Variants in C3 observed in about 807,000 individuals in gnomAD.
The protein encoded by C3 is complement C3.
C3 carries 97 observed loss-of-function variants against 207.9 expected under a neutral mutation model. The ratio of observed to expected loss-of-function variants is 0.47; its 90% CI spans 0.40 to 0.55. The LOEUF is 0.55. Among genes scored for constraint, C3 ranks in the 20% least tolerant of loss-of-function variants. C3 has a pLI of 0.00. For missense variants in C3, 1,684 were observed against 2,171.7 expected (o/e 0.78, Z 4.46); for synonymous variants, 848 against 857.6 (o/e 0.99, Z 0.20).
chr19:6,690,755 G>A, intron 26 of C3, 28 bp from the exon 27 acceptor site: 1 of 1,565,886 alleles, frequency 6.4e-7, no homozygotes, highest in Non-Finnish European at 8.8e-7. Flanking sequence ...AAGCAAGGAT[G>A]GGGTCACCGG....
At position 6,679,228 on chromosome 19, in the gene C3, C is replaced by A; in HGVS notation, c.4547-20G>T. 1 of 1,607,984 alleles carries A rather than the reference C, an allele frequency of 6.2e-7. No homozygotes were observed. Among genetic ancestry groups the A allele is most frequent in the Non-Finnish European group, 8.5e-7 (1 of 1,174,396 alleles). ...AATTCTCTGCAGGGTGGGGTGGAGA[C>A]AGGGTCTAAGTCCCACTCCTTATCT... On this transcript the variant is annotated intron_variant, in intron 37 of 40. Coordinates refer to ENST00000245907, the MANE Select transcript of C3 (RefSeq NM_000064.4).
At chr19:6,712,211 T>C in intron 11 of C3, 46 bp downstream of exon 11, 1 of 1,610,422 alleles carries the variant, frequency 6.2e-7, no homozygotes, top group Non-Finnish European at 8.5e-7. Flanking sequence ...AGAACCCCTG[T>C]ACCGTCTTCC....
At chr19:6,707,024 T>A in intron 17 of C3, 52 bp downstream of exon 17, 1 of 865,412 alleles carries the variant, frequency 1.2e-6, no homozygotes, top group Non-Finnish European at 1.6e-6. Flanking sequence ...GACAGGAGTC[T>A]CCTCCCCCAT....
At chr19:6,708,559 C>A (rs1967835569) in intron 14 of C3, among the ~76,000 whole-genome samples, 1 of 148,674 alleles carries the variant, frequency 6.7e-6, no homozygotes, top group South Asian at 2.2e-4. Flanking sequence ...TTCCCTCCTT[C>A]CCTCCTTCCT....
chr19:6,697,528 G>A lies in C3; in HGVS notation c.2612C>T (p.Ala871Val). The A allele has an allele frequency of 6.2e-7, 1 of 1,613,834 alleles. No individual in the cohort carries two copies. The highest frequency in any genetic ancestry group is 8.5e-7 in the Non-Finnish European group (1 of 1,179,960). ...CTTGGTGGTGGCCAGGCTGCAGAAG[G>A]CTGGATTGTGGAGTAGTTCCACCCT... Reference protein sequence around the residue: ...KVRVELLHNPAFCSLATTKRR... With the variant: ...KVRVELLHNPVFCSLATTKRR... The change falls in exon 21 of 41, where the codon GCC (alanine) becomes GTC (valine). Residue 871 changes from alanine (A) to valine (V), a missense_variant. Ala to Val is a moderately conservative substitution (Grantham distance 64). Around this residue, in one of 3 missense-constraint regions of C3, gnomAD observed 1,280 missense variants for 1,739.1 expected, o/e 0.74. Coordinates refer to ENST00000245907, the MANE Select transcript of C3 (RefSeq NM_000064.4).
chr19:6,709,619 A>ACCCCCCCCCC, intron 14 of C3, 65 bp downstream of exon 14: 3 of 432,312 alleles, frequency 6.9e-6, no homozygotes, highest in Non-Finnish European at 1.2e-5. Flanking sequence ...AGTCCCACCC[A>ACCCCCCCCCC]CCTCCCCCAG....
At position 6,701,814 on chromosome 19, in the gene C3, C is replaced by T. The variant is rs893599946; in HGVS notation, c.2440+313G>A. On this transcript the variant is annotated intron_variant, in intron 19 of 40. Transcript: ENST00000245907. ...TGCTGGGATTATAGGTGTGAGCCATCGAGGCTGGCCCTGTCTCTTTAAATA... is the reference window on the plus strand; with the variant it reads ...TGCTGGGATTATAGGTGTGAGCCATTGAGGCTGGCCCTGTCTCTTTAAATA... 2.5e-4 allele frequency among the ~76,000 whole-genome samples: 38 copies of T among 152,172 alleles called. 1 individual carries two copies. Among genetic ancestry groups the T allele is most frequent in the Non-Finnish European group, 4.7e-4 (32 of 68,036 alleles).
At chr19:6,715,018 T>C (rs1968003195) in intron 4 of C3, among the ~76,000 whole-genome samples, 1 of 152,206 alleles carries the variant, frequency 6.6e-6, no homozygotes, top group Admixed American at 6.5e-5. Context: ...CTGTGTTGGC[T>C]TGGGACATAG....
chr19:6,700,946 A>G (rs187222206), intron 19 of C3, among the ~76,000 whole-genome samples: 1 of 151,700 alleles, frequency 6.6e-6, no homozygotes, highest in Admixed American at 6.6e-5. Flanking sequence ...AAAGAAAGAA[A>G]AGCATCAATT....
intron 17 of C3, 48 bp downstream of exon 17, chr19:6,707,028 C>A (rs1383577832): frequency 2.1e-5 from 28 of 1,312,228 alleles, no homozygotes; most frequent in Non-Finnish European, 2.7e-5. Flanking sequence ...GGAGTCTCCT[C>A]CCCCATCAGA....
intron 4 of C3, chr19:6,717,396 T>G (rs1213386265): frequency 1.9e-5 from 3 of 157,232 alleles, no homozygotes; most frequent in African/African-American, 7.7e-5. Flanking sequence ...GATCTCCACC[T>G]TGTCTCTCAG....
chr19:6,692,821 G>C (rs1228594644), intron 26 of C3, 103 bp downstream of exon 26: 6 of 1,384,498 alleles, frequency 4.3e-6, no homozygotes, highest in Non-Finnish European at 6.1e-6. Flanking sequence ...TTTGCAAAGG[G>C]AATTGGGCAG....
intron 7 of C3, 41 bp downstream of exon 7, chr19:6,713,951 C>A: frequency 1.4e-6 from 2 of 1,400,322 alleles, no homozygotes; most frequent in South Asian, 1.2e-5. Flanking sequence ...TCACCTGGTC[C>A]CTCACCTGGC....
At chr19:6,714,288 G>A (rs779383931) in intron 5 of C3, 40 bp from the exon 6 acceptor site, 1 of 1,610,600 alleles carries the variant, frequency 6.2e-7, no homozygotes, top group South Asian at 1.1e-5. Context: ...AGGCCTCGGA[G>A]CCCCCCTGCT....
At chr19:6,687,046 C>T in intron 27 of C3, 144 bp from the exon 28 acceptor site, 1 of 899,812 alleles carries the variant, frequency 1.1e-6, no homozygotes, top group South Asian at 1.5e-5. Flanking sequence ...TTGAGAATTT[C>T]CCAGATATTT....
chr19:6,690,581 TCTG>T, intron 27 of C3, 45 bp downstream of exon 27: 1 of 1,477,614 alleles, frequency 6.8e-7, no homozygotes, highest in South Asian at 1.1e-5. Flanking sequence ...GTGGCTGTGC[TCTG>T]CATCGGGTAA....
chr19:6,679,003 A>G, intron 38 of C3, 122 bp downstream of exon 38: 1 of 774,336 alleles, frequency 1.3e-6, no homozygotes, highest in South Asian at 1.4e-5. Flanking sequence ...ATGCTCTCAC[A>G]CACACCACAG....
At chr19:6,716,769 A>G (rs1968041830) in intron 4 of C3, 1 of 152,192 alleles carries the variant, frequency 6.6e-6, no homozygotes, top group African/African-American at 2.4e-5. Flanking sequence ...AAATGAATAA[A>G]TCTCATTTGC....
At position 6,712,419 on chromosome 19, in the gene C3, G is replaced by T. The variant is rs752251561; in HGVS notation, c.1120-13C>A. Reference sequence around the variant, plus strand: ...TCGTCACGAACACCTGTGATGTGGGGTGCAGGTGGGGGAAGTTCAGGCAGG... The same window carrying T: ...TCGTCACGAACACCTGTGATGTGGGTTGCAGGTGGGGGAAGTTCAGGCAGG... On this transcript the variant is annotated splice_polypyrimidine_tract_variant and intron_variant, in intron 10 of 40. Coordinates refer to ENST00000245907, the MANE Select transcript of C3 (RefSeq NM_000064.4). The T allele has an allele frequency of 1.9e-6, 3 of 1,614,190 alleles. No individual in the cohort carries two copies. The South Asian group carries it at 3.3e-5, about 18-fold the overall frequency.
Sources: gnomAD v4.1 joint callset for allele counts (sites outside exome capture counted in the v4.1 genomes callset) on GRCh38, gnomAD v4.1.1 for gene constraint, gnomAD v4.1.1 regional missense constraint, MANE v1.5 for transcripts, NCBI Gene and HGNC (gene_info 2026-07-23, HGNC 2026-07-21) for gene names.